Variants in TRDMT1 observed in about 807,000 individuals in gnomAD.
The protein encoded by TRDMT1 is tRNA aspartic acid methyltransferase 1.
A neutral mutation model predicts 51.2 loss-of-function variants in TRDMT1; 49 were observed. The ratio of observed to expected loss-of-function variants is 0.96; its 90% confidence interval spans 0.76 to 1.21. The LOEUF is 1.21. Among genes scored for constraint, TRDMT1 ranks in the 50% most tolerant of loss-of-function variants. TRDMT1 has a pLI of 0.00. For missense variants in TRDMT1, 534 were observed against 462.3 expected, an observed-to-expected ratio of 1.16 and a Z score of -1.42; for synonymous variants, 187 against 164.6, an observed-to-expected ratio of 1.14 and a Z score of -1.04.
chr10:17,197,489 A>G (rs997623237), intron 1 of TRDMT1, among the ~76,000 whole-genome samples: 1 of 152,236 alleles, frequency 6.6e-6, no homozygotes, highest in African/African-American at 2.4e-5. Flanking sequence ...TTATTGACAT[A>G]TTTTTTAAAT....
intron 4 of TRDMT1, 59 bp downstream of exon 4, chr10:17,162,107 T>C (rs1007945056): frequency 1.4e-6 from 2 of 1,447,712 alleles, no homozygotes; most frequent in Non-Finnish European, 1.9e-6. Flanking sequence ...AACGTCACAT[T>C]CTTCCAGACC....
intron 8 of TRDMT1, among the ~76,000 whole-genome samples, chr10:17,156,319 C>A (rs1157602426): frequency 1.3e-5 from 2 of 151,916 alleles, no homozygotes; most frequent in African/African-American, 4.8e-5. Context: ...ACTGCAACCT[C>A]TGCCCCCCAG....
chr10:17,182,359 G>A, intron 1 of TRDMT1, among the ~76,000 whole-genome samples: 1 of 152,318 alleles, frequency 6.6e-6, no homozygotes, highest in East Asian at 1.9e-4. Context: ...TGAGTCCAGA[G>A]TTACAACTTT....
At chr10:17,162,398 C>T (rs1417854306) in intron 3 of TRDMT1, among the ~76,000 whole-genome samples, 161 bp from the exon 4 acceptor site, 1 of 152,054 alleles carries the variant, frequency 6.6e-6, no homozygotes, top group African/African-American at 2.4e-5. Context: ...GAAGAAAATA[C>T]ATTTATTCAT....
Position 17,175,859 on chromosome 10 carries a change from A to C in TRDMT1, c.65-1199T>G, listed in dbSNP as rs17140124. On this transcript the variant is annotated intron_variant, in intron 1 of 10. Coordinates refer to ENST00000377799, the MANE Select transcript of TRDMT1 (RefSeq NM_004412.7). ...GAAAAGAAAGGCACAAATGTCTCCA[A>C]GGATTGATACTAAATGGCTGCTAGG... Among the ~76,000 whole-genome samples the C allele has an allele frequency of 2.5e-3, 387 of 152,244 alleles. 10 individuals are homozygous for C. In the East Asian group the frequency reaches 0.054, roughly 21 times the overall value.
chr10:17,142,429 G>C lies in TRDMT1; in HGVS notation c.*6611C>G, dbSNP rs1311068334. ...CTGGGGTTCCCGAATGGTCCTTCAT[G>C]ATGCTACTTTAGGGAAAGAAGGATT... On this transcript the variant is annotated 3_prime_UTR_variant, in exon 11 of 11. Coordinates refer to ENST00000377799, the MANE Select transcript of TRDMT1 (RefSeq NM_004412.7). 1 of 152,232 alleles carries C rather than the reference G, an allele frequency of 6.6e-6. No homozygotes were observed. The highest frequency in any genetic ancestry group is 1.5e-5 in the Non-Finnish European group (1 of 68,090). 9.4% of individuals were successfully genotyped at this position (152,232 alleles called of 1,614,324 possible). A position where few individuals can be genotyped will look rare whatever the true frequency, so the allele number is the denominator to read the frequency against.
rs566391033 is a variant in TRDMT1 at position 17,195,374 on chromosome 10, G to A, written c.64+6197C>T. Among the ~76,000 whole-genome samples the A allele has an allele frequency of 2.6e-5, 4 of 152,264 alleles. No individual in the cohort carries two copies. In the South Asian group the frequency reaches 8.3e-4, roughly 32 times the overall value. Reference sequence around the variant, plus strand: ...AGAAACAGAAAACCAAATACCTCATGTTCTCACTAATAAGTGGGAGTTAAA... The same window carrying A: ...AGAAACAGAAAACCAAATACCTCATATTCTCACTAATAAGTGGGAGTTAAA... On this transcript the variant is annotated intron_variant, in intron 1 of 10. Transcript: ENST00000377799.
chr10:17,194,642 T>A (rs1042494396), intron 1 of TRDMT1, among the ~76,000 whole-genome samples: 2 of 151,838 alleles, frequency 1.3e-5, no homozygotes, highest in Non-Finnish European at 2.9e-5. Context: ...GATTAAAAAG[T>A]CAATAAAAAG....
At chr10:17,181,361 C>T (rs1189782370) in intron 1 of TRDMT1, among the ~76,000 whole-genome samples, 2 of 152,130 alleles carry the variant, frequency 1.3e-5, no homozygotes, top group Non-Finnish European at 2.9e-5. Flanking sequence ...ACATTTTTCC[C>T]AGGACAGTGG....
At position 17,148,242 on chromosome 10, in the gene TRDMT1, C is replaced by T. The variant is rs1838291286; in HGVS notation, c.*798G>A. The T allele has an allele frequency of 1.0e-6, 1 of 985,290 alleles. No individual in the cohort carries two copies. Among genetic ancestry groups the T allele is most frequent in the Non-Finnish European group, 1.2e-6 (1 of 829,928 alleles). The allele number at this position is 985,290 out of a possible 1,614,324, so 61.0% of individuals were successfully genotyped here. ...GGAGTACTGTCATATGACATGGGATCAGAGGGCAGCTTCCTCCCTGAAATC... is the reference window on the plus strand; with the variant it reads ...GGAGTACTGTCATATGACATGGGATTAGAGGGCAGCTTCCTCCCTGAAATC... On this transcript the variant is annotated 3_prime_UTR_variant, in exon 11 of 11. Transcript: ENST00000377799.
At chr10:17,149,999 G>C (rs1432217249) in intron 10 of TRDMT1, among the ~76,000 whole-genome samples, 2 of 151,958 alleles carry the variant, frequency 1.3e-5, no homozygotes, top group African/African-American at 4.8e-5. Flanking sequence ...TATATACATA[G>C]GGGTGAAACT....
intron 10 of TRDMT1, chr10:17,150,942 GAAGGA>G: frequency 1.0e-6 from 1 of 985,234 alleles, no homozygotes; most frequent in Non-Finnish European, 1.2e-6. Flanking sequence ...AATTACCTCA[GAAGGA>G]AAGAAAGGTT....
At chr10:17,187,850 C>T (rs776119570) in intron 1 of TRDMT1, among the ~76,000 whole-genome samples, 29 of 152,016 alleles carry the variant, frequency 1.9e-4, no homozygotes, top group Non-Finnish European at 3.2e-4. Flanking sequence ...CTAGAATAAA[C>T]GTTAATCCCC....
At chr10:17,161,876 G>A (rs1840409468) in intron 4 of TRDMT1, among the ~76,000 whole-genome samples, 2 of 152,152 alleles carry the variant, frequency 1.3e-5, no homozygotes, top group Non-Finnish European at 2.9e-5. Context: ...CAGGCCATGG[G>A]TAACAGCATT....
rs1201035661 is a variant in TRDMT1 at position 17,141,954 on chromosome 10, A to G, written c.*7086T>C. The stretch of plus-strand genomic sequence containing the variant: ...TTTCTATTTTGGTTATTTTTCAGTT[A>G]CATAACTGCCATTTATTTCTATTCT... On this transcript the variant is annotated 3_prime_UTR_variant, in exon 11 of 11. Coordinates refer to ENST00000377799, the MANE Select transcript of TRDMT1 (RefSeq NM_004412.7). 6.6e-6 allele frequency among the ~76,000 whole-genome samples: 1 copy of G among 152,264 alleles called. No homozygotes were observed. The highest frequency in any genetic ancestry group is 6.5e-5 in the Admixed American group (1 of 15,288).
At chr10:17,181,737 A>G (rs184742013) in intron 1 of TRDMT1, among the ~76,000 whole-genome samples, 4 of 152,298 alleles carry the variant, frequency 2.6e-5, no homozygotes, top group Non-Finnish European at 5.9e-5. Context: ...TATTTATGTT[A>G]CAAATGTCTT....
intron 1 of TRDMT1, among the ~76,000 whole-genome samples, chr10:17,195,581 T>G (rs1166291747): frequency 6.6e-6 from 1 of 151,718 alleles, no homozygotes; most frequent in African/African-American, 2.4e-5. Flanking sequence ...AACTTGCACA[T>G]GTACCCCTTG....
intron 2 of TRDMT1, among the ~76,000 whole-genome samples, chr10:17,173,825 C>T (rs1210519799): frequency 4.8e-5 from 7 of 145,364 alleles, no homozygotes; most frequent in South Asian, 2.1e-4. Context: ...AGTGCAGTGG[C>T]GCGATCTCAG....
chr10:17,201,473 C>A (rs1357246407), intron 1 of TRDMT1, 98 bp downstream of exon 1: 2 of 1,319,746 alleles, frequency 1.5e-6, no homozygotes, highest in Non-Finnish European at 2.1e-6. Flanking sequence ...CCCACAGTGT[C>A]CGCCCCTTGC....
Sources: allele counts gnomAD v4.1 joint callset (sites outside exome capture counted in the v4.1 genomes callset), GRCh38; gene constraint gnomAD v4.1.1; transcripts MANE v1.5; gene names NCBI Gene and HGNC (gene_info 2026-07-23, HGNC 2026-07-21).